Variants in CNKSR2 observed in about 807,000 individuals in gnomAD.
CNKSR2 encodes CNK homolog protein 2.
CNKSR2 carries 14 observed loss-of-function variants against 84.4 expected under a neutral mutation model. The observed-to-expected ratio is 0.17, with a 90% confidence interval of 0.11 to 0.26. The LOEUF (loss-of-function observed/expected upper bound fraction) is 0.26. CNKSR2 is among the 10% of genes least tolerant of loss of function. The probability of loss-of-function intolerance (pLI) is 1.00; values close to 1 mark genes in which losing one functional copy is unlikely to be tolerated. For synonymous variants in CNKSR2, 275 were observed against 277.9 expected (o/e 0.99, Z 0.10); for missense variants, 485 against 771.2 (o/e 0.63, Z 4.40).
intron 2 of CNKSR2, chrX:21,427,891 G>C (rs2090586542): frequency 8.9e-6 from 1 of 111,897 alleles, no homozygotes; most frequent in African/African-American, 3.2e-5. Context: ...ATATGCATTT[G>C]GTCTTGCAGG....
intron 15 of CNKSR2, chrX:21,592,957 A>G: frequency 9.2e-6 from 1 of 108,736 alleles, no homozygotes; most frequent in Non-Finnish European, 1.9e-5. Flanking sequence ...AGTTTAAGTG[A>G]TGAAAAACTG....
intron 10 of CNKSR2, 81 bp from the exon 11 acceptor site, chrX:21,531,775 A>G (rs754750045): frequency 1.7e-6 from 1 of 589,807 alleles, no homozygotes; most frequent in African/African-American, 2.3e-5. Context: ...ATGGGAGTAA[A>G]TTATTAGTAT....
intron 3 of CNKSR2, among the ~76,000 whole-genome samples, chrX:21,436,249 A>C (rs1019208946): frequency 9.0e-6 from 1 of 111,679 alleles, no homozygotes; most frequent in Non-Finnish European, 1.9e-5. Context: ...GACTACCCTA[A>C]GGTTTCAGCA....
intron 1 of CNKSR2, among the ~76,000 whole-genome samples, chrX:21,381,144 TTTG>T (rs1403475702): frequency 8.9e-6 from 1 of 112,184 alleles, no homozygotes; most frequent in African/African-American, 3.2e-5. Flanking sequence ...TTGTGTTTTT[TTTG>T]TTTTTTGCTA....
rs2092725147 is a variant in CNKSR2 at position 21,653,360 on chromosome X, T to C, written c.*839T>C. On this transcript the variant is annotated 3_prime_UTR_variant, in exon 22 of 22. Coordinates refer to ENST00000379510, the MANE Select transcript of CNKSR2 (RefSeq NM_014927.5). ...CCCAGAAAGGCAGCTAACAGCTATA[T>C]ATATATATAAATTTCAGCCCAAACT... The C allele has an allele frequency of 1.8e-5, 2 of 110,316 alleles. No individual in the cohort carries two copies. Among genetic ancestry groups the C allele is most frequent in the Non-Finnish European group, 3.8e-5 (2 of 52,882 alleles). 9.1% of individuals were successfully genotyped at this position (110,316 alleles called of 1,213,427 possible).
intron 4 of CNKSR2, among the ~76,000 whole-genome samples, chrX:21,450,229 C>T (rs1179449029): frequency 1.8e-5 from 2 of 111,276 alleles, no homozygotes; most frequent in African/African-American, 6.6e-5. Flanking sequence ...TGGTACTCGG[C>T]GTTAGTACTA....
intron 20 of CNKSR2, among the ~76,000 whole-genome samples, chrX:21,626,585 C>T (rs999939792): frequency 8.9e-6 from 1 of 111,915 alleles, no homozygotes; most frequent in Non-Finnish European, 1.9e-5. Context: ...ATGTTACCTT[C>T]TCAGAGGAAG....
At chrX:21,592,225 T>G (rs1292466164) in intron 15 of CNKSR2, 2 of 111,677 alleles carry the variant, frequency 1.8e-5, no homozygotes, top group African/African-American at 6.5e-5. Context: ...ATAATAATGC[T>G]TATCACTGGA....
intron 11 of CNKSR2, among the ~76,000 whole-genome samples, chrX:21,550,490 A>G (rs965236716): frequency 8.9e-6 from 1 of 112,336 alleles, no homozygotes; most frequent in African/African-American, 3.2e-5. Context: ...TAGTTCAACC[A>G]TTGTGGAAGA....
chrX:21,634,776 T>C (rs1234390643), intron 20 of CNKSR2, among the ~76,000 whole-genome samples: 1 of 107,453 alleles, frequency 9.3e-6, no homozygotes, highest in Non-Finnish European at 1.9e-5. Flanking sequence ...AAGATGGCAG[T>C]ACTTTGAGGA....
At chrX:21,505,820 G>A (rs1242787597) in intron 8 of CNKSR2, 1 of 111,545 alleles carries the variant, frequency 9.0e-6, no homozygotes, top group Non-Finnish European at 1.9e-5. Context: ...GAGTCATTGA[G>A]TGGAATCAAT....
chrX:21,411,663 C>G (rs902322770), intron 1 of CNKSR2, among the ~76,000 whole-genome samples: 1 of 110,948 alleles, frequency 9.0e-6, no homozygotes, highest in Non-Finnish European at 1.9e-5. Flanking sequence ...TCCCAGTCAT[C>G]TCTAGACCTC....
At chrX:21,390,463 G>A (rs1262305077) in intron 1 of CNKSR2, among the ~76,000 whole-genome samples, 4 of 111,038 alleles carry the variant, frequency 3.6e-5, no homozygotes, top group South Asian at 3.8e-4. Context: ...AAGCAGGCAC[G>A]TCTTACATGG....
intron 6 of CNKSR2, chrX:21,491,242 A>C (rs1243141518): frequency 1.8e-5 from 2 of 111,737 alleles, no homozygotes; most frequent in East Asian, 2.8e-4. Context: ...AAAGCATATA[A>C]AAATTGATAT....
chrX:21,549,993 C>G (rs2092070223), intron 11 of CNKSR2, among the ~76,000 whole-genome samples: 1 of 111,867 alleles, frequency 8.9e-6, no homozygotes, highest in Admixed American at 9.4e-5. Flanking sequence ...CAGTACCATT[C>G]AGGACATAGG....
intron 4 of CNKSR2, among the ~76,000 whole-genome samples, chrX:21,442,551 T>C (rs749093225): frequency 8.9e-6 from 1 of 112,202 alleles, no homozygotes; most frequent in South Asian, 3.7e-4. Flanking sequence ...GATGAAACTT[T>C]GGTGAAGCTT....
rs761427441 is a variant in CNKSR2, at chrX:21,622,464, C to T, written c.2692+12847C>T. Among the ~76,000 whole-genome samples the T allele has an allele frequency of 3.6e-5, 4 of 111,359 alleles. No individual in the cohort carries two copies. In the East Asian group the frequency reaches 1.1e-3, roughly 31 times the overall value. The stretch of plus-strand genomic sequence containing the variant: ...ATTGGGACAGTTTACGTTTGTATTA[C>T]TGGAATTTAATTTTTTAAAAGTACT... On this transcript the variant is annotated intron_variant, in intron 20 of 21. Coordinates refer to ENST00000379510, the MANE Select transcript of CNKSR2 (RefSeq NM_014927.5).
intron 1 of CNKSR2, among the ~76,000 whole-genome samples, chrX:21,388,794 T>A (rs2090007835): frequency 9.0e-6 from 1 of 110,791 alleles, no homozygotes; most frequent in South Asian, 3.9e-4. Context: ...AAATCCCCAC[T>A]CCTTGATTGT....
In CNKSR2 at chrX:21,479,563, T is replaced by A. The variant is rs1042850256; in HGVS notation, c.561+8756T>A. 6.3e-5 allele frequency among the ~76,000 whole-genome samples: 7 copies of A among 110,801 alleles called. No homozygotes were observed. The Admixed American group carries it at 6.8e-4, about 11-fold the overall frequency. On this transcript the variant is annotated intron_variant, in intron 5 of 21. Coordinates refer to ENST00000379510, the MANE Select transcript of CNKSR2 (RefSeq NM_014927.5). ...AAGCCACACAGTAACTTAAAGGAAG[T>A]TTGATATAAATAATTATAAATTATG...
Sources: allele counts gnomAD v4.1 joint callset (sites outside exome capture counted in the v4.1 genomes callset), GRCh38; gene constraint gnomAD v4.1.1; transcripts MANE v1.5; gene names NCBI Gene and HGNC (gene_info 2026-07-23, HGNC 2026-07-21).